Variants in ELP2 observed in about 807,000 individuals in gnomAD.
ELP2 encodes elongator acetyltransferase complex subunit 2.
Under a neutral mutation model 119.2 loss-of-function variants are expected in ELP2, and 90 were observed. The ratio of observed to expected loss-of-function variants is 0.75; its 90% CI spans 0.64 to 0.90. The LOEUF (loss-of-function observed/expected upper bound fraction) is 0.90, where lower values mean the gene tolerates loss of function less well. Ranked by LOEUF, ELP2 falls within the 40% of genes least tolerant of loss-of-function variation. The probability of loss-of-function intolerance (pLI) is 0.00; values close to 1 mark genes in which losing one functional copy is unlikely to be tolerated. For missense variants in ELP2, 921 were observed against 967.8 expected, an observed-to-expected ratio of 0.95 and a Z score of 0.64; for synonymous variants, 339 against 331.0, an observed-to-expected ratio of 1.02 and a Z score of -0.26.
rs549617547 is a variant in ELP2, at chr18:36,134,347, A to T, written c.217+1031A>T. On this transcript the variant is annotated intron_variant, in intron 2 of 21. Coordinates refer to ENST00000358232, the MANE Select transcript of ELP2 (RefSeq NM_018255.4). ...GTGTTTTCCAGCAGCCACATGATGTATGATACTGCAGCAGATTAAATACAG... is the reference window on the plus strand; with the variant it reads ...GTGTTTTCCAGCAGCCACATGATGTTTGATACTGCAGCAGATTAAATACAG... Among the ~76,000 whole-genome samples, 266 of 152,326 alleles carry T rather than the reference A, an allele frequency of 1.7e-3. 1 individual carries two copies. The highest frequency in any genetic ancestry group is 6.2e-3 in the African/African-American group (257 of 41,578).
chr18:36,151,802 G>C (rs1220594809), intron 11 of ELP2, among the ~76,000 whole-genome samples: 2 of 144,440 alleles, frequency 1.4e-5, no homozygotes, highest in Non-Finnish European at 3.0e-5. Flanking sequence ...AGGCTGGAGT[G>C]CAATGGCATG....
rs562758857 is a variant in ELP2 at position 36,153,778 on chromosome 18, C to CT, written c.1126-1060dup. On this transcript the variant is annotated intron_variant, in intron 11 of 21. Transcript: ENST00000358232. ...GAAAGTGACTTGTTTTTTATATAGA[C>CT]TTTTTTTTTTTTATAGAGCAGTTTT... is the stretch of plus-strand genomic sequence containing the variant. 5.8e-3 allele frequency among the ~76,000 whole-genome samples: 850 copies of CT among 145,316 alleles called. 6 individuals carry two copies. Among genetic ancestry groups the CT allele is most frequent in the South Asian group, 0.024 (108 of 4,588 alleles).
chr18:36,143,054 T>C, intron 8 of ELP2, 88 bp downstream of exon 8: 1 of 913,914 alleles, frequency 1.1e-6, no homozygotes, highest in Non-Finnish European at 1.7e-6. Context: ...ATGTGAAGGA[T>C]AGTTTTTCAC....
intron 11 of ELP2, among the ~76,000 whole-genome samples, chr18:36,153,239 C>T (rs1027308318): frequency 3.9e-5 from 6 of 152,132 alleles, no homozygotes; most frequent in Admixed American, 6.6e-5. Flanking sequence ...TGGATCTATC[C>T]GTAAATTCCA....
intron 6 of ELP2, among the ~76,000 whole-genome samples, 167 bp from the exon 7 acceptor site, chr18:36,142,114 T>C (rs188769089): frequency 4.0e-4 from 61 of 152,356 alleles, no homozygotes; most frequent in African/African-American, 1.4e-3. Flanking sequence ...ATTTAGATAT[T>C]ACGTGATGGG....
chr18:36,166,060 G>A (rs561076557), intron 18 of ELP2, among the ~76,000 whole-genome samples: 9 of 151,876 alleles, frequency 5.9e-5, no homozygotes, highest in Non-Finnish European at 8.8e-5. Context: ...AGGCATGGTG[G>A]TGCATGCCTG....
intron 12 of ELP2, 39 bp from the exon 13 acceptor site, chr18:36,156,427 C>CT: frequency 6.3e-7 from 1 of 1,598,036 alleles, no homozygotes; most frequent in Non-Finnish European, 8.6e-7. Context: ...GAAAATTCAG[C>CT]TTTTGAATGA....
intron 11 of ELP2, among the ~76,000 whole-genome samples, chr18:36,151,805 A>G (rs1316165800): frequency 2.8e-5 from 4 of 142,408 alleles, no homozygotes; most frequent in Non-Finnish European, 6.0e-5. Flanking sequence ...CTGGAGTGCA[A>G]TGGCATGATC....
intron 12 of ELP2, among the ~76,000 whole-genome samples, chr18:36,155,509 T>G (rs1479330895): frequency 6.6e-6 from 1 of 152,188 alleles, no homozygotes; most frequent in East Asian, 1.9e-4. Context: ...ACTGGAACTT[T>G]CATACATTGC....
intron 9 of ELP2, 46 bp downstream of exon 9, chr18:36,145,080 ATG>A: frequency 7.0e-7 from 1 of 1,424,388 alleles, no homozygotes; most frequent in East Asian, 2.3e-5. Context: ...GTTAAATCTT[ATG>A]GCACAGTAAG....
chr18:36,149,460 A>G (rs2090317111), intron 11 of ELP2, among the ~76,000 whole-genome samples: 1 of 138,470 alleles, frequency 7.2e-6, no homozygotes, highest in Admixed American at 7.6e-5. Context: ...ACTTAGAAAC[A>G]TAGTTGCAGG....
At chr18:36,142,403 C>T in intron 7 of ELP2, 56 bp downstream of exon 7, 1 of 1,371,388 alleles carries the variant, frequency 7.3e-7, no homozygotes, top group Admixed American at 1.7e-5. Flanking sequence ...GTGTTACTTC[C>T]AAGAAAGCAG....
intron 2 of ELP2, among the ~76,000 whole-genome samples, chr18:36,134,598 T>G (rs919525983): frequency 2.6e-5 from 4 of 152,174 alleles, no homozygotes; most frequent in African/African-American, 9.6e-5. Flanking sequence ...ATTTCTAATG[T>G]GGTTAATATT....
intron 12 of ELP2, among the ~76,000 whole-genome samples, chr18:36,155,827 T>G (rs1445607444): frequency 6.6e-6 from 1 of 152,358 alleles, no homozygotes; most frequent in Non-Finnish European, 1.5e-5. Flanking sequence ...TGAAGTCATA[T>G]AGTATTAGAT....
Position 36,146,349 on chromosome 18 carries a change from T to A in ELP2, c.1093T>A (p.Leu365Met). ...CATTGCTCATGCTTTCCACGGAGCGTTGCACCTTTGGAAACAGAATACAGT... is the reference window on the plus strand; with the variant it reads ...CATTGCTCATGCTTTCCACGGAGCGATGCACCTTTGGAAACAGAATACAGT... ...MIIAHAFHGALHLWKQNTVNP... is the reference protein window; with the variant it reads ...MIIAHAFHGAMHLWKQNTVNP... The change falls in exon 11 of 22, where the codon TTG (leucine) becomes ATG (methionine). Residue 365 changes from leucine (L) to methionine (M), a missense_variant. Transcript: ENST00000358232. 2 of 1,614,082 alleles carry A rather than the reference T, an allele frequency of 1.2e-6. No homozygotes were observed. Among genetic ancestry groups the A allele is most frequent in the Non-Finnish European group, 1.7e-6 (2 of 1,179,954 alleles).
At chr18:36,135,440 A>G (rs982349733) in intron 2 of ELP2, among the ~76,000 whole-genome samples, 1 of 152,202 alleles carries the variant, frequency 6.6e-6, no homozygotes, top group East Asian at 1.9e-4. Flanking sequence ...GTTGAAGCCC[A>G]TGATCACAGT....
intron 5 of ELP2, chr18:36,139,453 G>A: frequency 6.5e-7 from 1 of 1,535,656 alleles, no homozygotes; most frequent in Admixed American, 2.0e-5. Flanking sequence ...AACGAGGCAG[G>A]GCCTGGAAGC....
intron 21 of ELP2, 119 bp downstream of exon 21, chr18:36,171,279 C>T (rs2144825434): frequency 1.4e-6 from 1 of 730,008 alleles, no homozygotes; most frequent in Middle Eastern, 3.5e-4. Context: ...TCGTGTCTAC[C>T]ACTTTGTTTT....
chr18:36,141,161 A>G lies in ELP2; in HGVS notation c.548A>G (p.Asp183Gly). The change falls in exon 6 of 22, where the codon GAT becomes GGT. Residue 183 changes from aspartate (D) to glycine (G), a missense_variant. Asp to Gly is a moderately conservative substitution (Grantham distance 94). Transcript: ENST00000358232. ...GTACCAATATTAGCATGTGGCAATGATGATTGCAGAATTCACATATTTGCT... is the reference window on the plus strand; with the variant it reads ...GTACCAATATTAGCATGTGGCAATGGTGATTGCAGAATTCACATATTTGCT... Reference protein sequence around the residue: ...TDVPILACGNDDCRIHIFAQQ... With the variant: ...TDVPILACGNGDCRIHIFAQQ... The G allele has an allele frequency of 6.2e-7, 1 of 1,613,896 alleles. No individual in the cohort carries two copies. The highest frequency in any genetic ancestry group is 8.5e-7 in the Non-Finnish European group (1 of 1,179,838).
Sources: allele counts gnomAD v4.1 joint callset (sites outside exome capture counted in the v4.1 genomes callset), GRCh38; gene constraint gnomAD v4.1.1; transcripts MANE v1.5; gene names NCBI Gene and HGNC (gene_info 2026-07-23, HGNC 2026-07-21).